Variants in VTCN1 observed in about 807,000 individuals in gnomAD.
VTCN1 encodes V-set domain-containing T-cell activation inhibitor 1.
In VTCN1, 26 loss-of-function variants were observed where a neutral mutation model predicts 26.5. That is an observed-to-expected ratio of 0.98 (90% CI 0.72 to 1.36). VTCN1 has a LOEUF of 1.36. VTCN1 is among the 40% of genes most tolerant of loss of function. VTCN1 has a pLI of 0.00. For synonymous variants in VTCN1, 116 were observed against 130.7 expected, an observed-to-expected ratio of 0.89 and a Z score of 0.77; for missense variants, 298 against 337.7, an observed-to-expected ratio of 0.88 and a Z score of 0.92.
chr1:117,172,804 G>A (rs1433684607), intron 1 of VTCN1, among the ~76,000 whole-genome samples: 1 of 32,764 alleles, frequency 3.1e-5, no homozygotes, highest in African/African-American at 5.9e-5. Context: ...GCACCAATCA[G>A]CACTCTGTAA....
Position 117,156,198 on chromosome 1 carries a change from T to C in VTCN1, c.445+376A>G, listed in dbSNP as rs551576938. Among the ~76,000 whole-genome samples, 78 of 152,342 alleles carry C rather than the reference T, an allele frequency of 5.1e-4. 1 individual carries two copies. The South Asian group carries it at 0.016, about 31-fold the overall frequency. On this transcript the variant is annotated intron_variant, in intron 3 of 5. Coordinates refer to ENST00000369458, the MANE Select transcript of VTCN1 (RefSeq NM_024626.4). ...AACTTCTAAAATGCACTCACTGTCA[T>C]GAGTCTCTGAAGATACTGATTTCAG...
rs747143891 is a variant in VTCN1 at position 117,169,600 on chromosome 1, T to C, written c.97+507A>G. ...TTGACAGTATCTCCCCACTCAAAAATGAGGAAACTAGCCTGGGCACGGTGG... is the reference window on the plus strand; with the variant it reads ...TTGACAGTATCTCCCCACTCAAAAACGAGGAAACTAGCCTGGGCACGGTGG... On this transcript the variant is annotated intron_variant, in intron 2 of 5. Coordinates refer to ENST00000369458, the MANE Select transcript of VTCN1 (RefSeq NM_024626.4). This position sits in a 1 kb window ranked among gnomAD's most constrained non-coding sequence, Gnocchi z 4.0. Among the ~76,000 whole-genome samples, 1 of 152,108 alleles carries C rather than the reference T, an allele frequency of 6.6e-6. No homozygotes were observed. Among genetic ancestry groups the C allele is most frequent in the Non-Finnish European group, 1.5e-5 (1 of 68,038 alleles).
chr1:117,173,350 AT>A (rs1265601794), intron 1 of VTCN1: 4 of 537,306 alleles, frequency 7.4e-6, no homozygotes, highest in Non-Finnish European at 1.3e-5. Context: ...AAAAGGGGAA[AT>A]TTGGACACAG....
intron 2 of VTCN1, among the ~76,000 whole-genome samples, chr1:117,164,082 G>A (rs1039000633): frequency 1.3e-5 from 2 of 152,078 alleles, no homozygotes; most frequent in Admixed American, 1.3e-4. Flanking sequence ...TTGGTGCCCA[G>A]CTGAGGAGCA....
chr1:117,170,350 A>C, intron 1 of VTCN1, 179 bp from the exon 2 acceptor site: 1 of 711,660 alleles, frequency 1.4e-6, no homozygotes, highest in South Asian at 1.4e-5. Context: ...CAGCAATTCC[A>C]TCCCCATCCC....
chr1:117,207,758 C>T (rs1343994171), intron 1 of VTCN1, among the ~76,000 whole-genome samples: 1 of 152,130 alleles, frequency 6.6e-6, no homozygotes, highest in Non-Finnish European at 1.5e-5. Flanking sequence ...GGTAGTCATT[C>T]CAGGATCTGC....
chr1:117,193,937 A>G (rs1648382287), intron 1 of VTCN1, among the ~76,000 whole-genome samples: 1 of 152,120 alleles, frequency 6.6e-6, no homozygotes, highest in East Asian at 1.9e-4. Flanking sequence ...TATAGGAAAA[A>G]AGCTCCCTTT....
intron 1 of VTCN1, among the ~76,000 whole-genome samples, chr1:117,177,018 G>A (rs1184363285): frequency 6.6e-6 from 1 of 152,118 alleles, no homozygotes; most frequent in Non-Finnish European, 1.5e-5. Context: ...ATAATCGTTT[G>A]AACCCAGGAG....
intron 1 of VTCN1, among the ~76,000 whole-genome samples, chr1:117,205,735 G>A (rs904916255): frequency 2.0e-5 from 3 of 152,208 alleles, no homozygotes; most frequent in Non-Finnish European, 4.4e-5. Context: ...AGAGGACTAG[G>A]TAGTAACATG....
At chr1:117,178,070 G>A (rs958931850) in intron 1 of VTCN1, among the ~76,000 whole-genome samples, 2 of 151,114 alleles carry the variant, frequency 1.3e-5, no homozygotes, top group Non-Finnish European at 2.9e-5. Context: ...CCCCCAAGTA[G>A]CTGGGACTAC....
intron 1 of VTCN1, among the ~76,000 whole-genome samples, chr1:117,178,555 A>G (rs1647499804): frequency 7.1e-6 from 1 of 140,224 alleles, no homozygotes. Context: ...ACTGCACCGC[A>G]CCTGGCCTTC....
rs544082174 is a variant in VTCN1 at position 117,144,302 on chromosome 1, G to A, written c.*969C>T. ...CAGCATCCCTGGCCTCTATCCACTA[G>A]TTGGTAGTAGCACTGTATCCTCCTC... is the stretch of plus-strand genomic sequence containing the variant. On this transcript the variant is annotated 3_prime_UTR_variant, in exon 6 of 6. Coordinates refer to ENST00000369458, the MANE Select transcript of VTCN1 (RefSeq NM_024626.4). 2.6e-5 allele frequency: 4 copies of A among 152,302 alleles called. No individual in the cohort carries two copies. In the South Asian group the frequency reaches 8.3e-4, roughly 32 times the overall value. 9.4% of individuals were successfully genotyped at this position (152,302 alleles called of 1,614,324 possible). A position where few individuals can be genotyped will look rare whatever the true frequency, so the allele number is the denominator to read the frequency against.
At chr1:117,192,925 G>T (rs60243724) in intron 1 of VTCN1, among the ~76,000 whole-genome samples, 4,977 of 152,178 alleles carry the variant, frequency 0.033, 259 homozygotes, top group African/African-American at 0.11. Context: ...GTATTCATGG[G>T]TTCTACATCT....
intron 1 of VTCN1, among the ~76,000 whole-genome samples, chr1:117,195,032 G>A (rs866820144): frequency 1.3e-5 from 2 of 151,720 alleles, no homozygotes; most frequent in South Asian, 2.1e-4. Flanking sequence ...TTGGGAGGCC[G>A]AGGTGGGTGG....
At position 117,143,940 on chromosome 1, in the gene VTCN1, T is replaced by G. The variant is rs1651381616; in HGVS notation, c.*1331A>C. 1 of 152,200 alleles carries G rather than the reference T, an allele frequency of 6.6e-6. No homozygotes were observed. Among genetic ancestry groups the G allele is most frequent in the Non-Finnish European group, 1.5e-5 (1 of 68,054 alleles). The allele number at this position is 152,200 out of a possible 1,614,324, so 9.4% of individuals were successfully genotyped here. On this transcript the variant is annotated 3_prime_UTR_variant, in exon 6 of 6. Coordinates refer to ENST00000369458, the MANE Select transcript of VTCN1 (RefSeq NM_024626.4). ...ACTCAGGCATTTCTCTTACAGAACT[T>G]GGCTTGCAGGGTAGAATGAAGGGAA...
intron 1 of VTCN1, among the ~76,000 whole-genome samples, chr1:117,173,864 C>T (rs1653057154): frequency 6.6e-6 from 1 of 152,214 alleles, no homozygotes; most frequent in Non-Finnish European, 1.5e-5. Flanking sequence ...GCCAAAGCTC[C>T]TGAGCCCCTC....
At chr1:117,170,069 G>A (rs756245266) in intron 2 of VTCN1, 38 bp downstream of exon 2, 4 of 1,578,440 alleles carry the variant, frequency 2.5e-6, no homozygotes, top group Admixed American at 1.7e-5. Flanking sequence ...TTAATGGTGA[G>A]GGGTGAATAG....
chr1:117,190,874 C>T (rs1553212451), intron 1 of VTCN1, among the ~76,000 whole-genome samples: 1 of 152,206 alleles, frequency 6.6e-6, no homozygotes, highest in East Asian at 1.9e-4. Flanking sequence ...AAGGATCAGG[C>T]AAACGTGACA....
intron 2 of VTCN1, among the ~76,000 whole-genome samples, chr1:117,160,771 A>T (rs757377781): frequency 6.6e-6 from 1 of 152,230 alleles, no homozygotes; most frequent in South Asian, 2.1e-4. Context: ...CATTATCAAC[A>T]TAAGGATATC....
Sources: allele counts gnomAD v4.1 joint callset (sites outside exome capture counted in the v4.1 genomes callset), GRCh38; gene constraint gnomAD v4.1.1; non-coding constraint Gnocchi (gnomAD v3.1); transcripts MANE v1.5; gene names NCBI Gene and HGNC (gene_info 2026-07-23, HGNC 2026-07-21).